The following WIPI2 variants were observed in gnomAD, a reference collection of about 807,000 sequenced individuals.
WIPI2 encodes the protein WD repeat domain phosphoinositide-interacting protein 2.
A neutral mutation model predicts 52.3 loss-of-function variants in WIPI2; 28 were observed. The observed-to-expected ratio is 0.54, with a 90% CI of 0.40 to 0.73. The LOEUF (loss-of-function observed/expected upper bound fraction) is 0.73, where lower values mean the gene tolerates loss of function less well. Ranked by LOEUF, WIPI2 falls within the 30% of genes least tolerant of loss-of-function variation. WIPI2 has a pLI of 0.00. For synonymous variants in WIPI2, 268 were observed against 245.0 expected (o/e 1.09, Z -0.88); for missense variants, 506 against 602.9 (o/e 0.84, Z 1.68).
At chr7:5,194,737 A>T (rs1781660375) in intron 2 of WIPI2, among the ~76,000 whole-genome samples, 1 of 152,170 alleles carries the variant, frequency 6.6e-6, no homozygotes, top group South Asian at 2.1e-4. Context: ...GGTAGCTCAG[A>T]TTGCAGACGC....
chr7:5,214,434 TGC>T (rs747652340), intron 3 of WIPI2, 99 bp from the exon 4 acceptor site: 21 of 1,612,242 alleles, frequency 1.3e-5, no homozygotes, highest in Non-Finnish European at 1.7e-5. Context: ...CGCTGTGCCC[TGC>T]GTGTCGCCCA....
At chr7:5,228,674 G>GT (rs1783567145) in intron 11 of WIPI2, among the ~76,000 whole-genome samples, 1 of 152,242 alleles carries the variant, frequency 6.6e-6, no homozygotes, top group Non-Finnish European at 1.5e-5. Flanking sequence ...TCATTGGGAA[G>GT]TAATGCATTT....
At chr7:5,217,572 C>G in intron 6 of WIPI2, 1 of 405,966 alleles carries the variant, frequency 2.5e-6, no homozygotes, top group African/African-American at 2.0e-5. Flanking sequence ...GCTGGGACTA[C>G]AGGCGGGTGC....
rs537157352 is a variant in WIPI2 at position 5,232,644 on chromosome 7, C to T, written c.*1697C>T. 1.7e-5 allele frequency: 4 copies of T among 242,424 alleles called. No individual in the cohort carries two copies. Among genetic ancestry groups the T allele is most frequent in the African/African-American group, 2.2e-5 (1 of 45,012 alleles). 15.0% of individuals were successfully genotyped at this position (242,424 alleles called of 1,614,324 possible). A position where few individuals can be genotyped will look rare whatever the true frequency, so the allele number is the denominator to read the frequency against. On this transcript the variant is annotated 3_prime_UTR_variant, in exon 13 of 13. Transcript: ENST00000288828. ...CGCGGCAGCACGCAGCCTTGACCCACGCCTGCGTCTTGTGGTGCAAGGCCA... is the reference window on the plus strand; with the variant it reads ...CGCGGCAGCACGCAGCCTTGACCCATGCCTGCGTCTTGTGGTGCAAGGCCA...
intron 11 of WIPI2, among the ~76,000 whole-genome samples, 153 bp downstream of exon 11, chr7:5,228,364 G>A (rs764313486): frequency 1.1e-4 from 16 of 152,256 alleles, no homozygotes; most frequent in Non-Finnish European, 1.5e-4. Context: ...CGGGAGCTTC[G>A]CTTTCCCAGG....
intron 8 of WIPI2, among the ~76,000 whole-genome samples, chr7:5,224,713 G>T (rs1783340813): frequency 6.6e-6 from 1 of 152,210 alleles, no homozygotes; most frequent in Non-Finnish European, 1.5e-5. Context: ...TCATTGATCT[G>T]TGTGGGGCCG....
chr7:5,217,774 G>A (rs1782894289), intron 6 of WIPI2, 148 bp from the exon 7 acceptor site: 1 of 739,002 alleles, frequency 1.4e-6, no homozygotes, highest in Non-Finnish European at 2.4e-6. Context: ...TGGATGCCCA[G>A]CCCCAGTAAA....
In WIPI2 at chr7:5,227,309, A is replaced by G; in HGVS notation, c.978A>G (p.Pro326=). 6.2e-7 allele frequency: 1 copy of G among 1,613,862 alleles called. No individual in the cohort carries two copies. ...QGRAFATVRL[P]FCGHKNICSL... Reference sequence around the variant, plus strand: ...GAGCCTTCGCCACGGTCCGCCTGCCATTCTGCGGCCACAAAAACATCTGCT... The same window carrying G: ...GAGCCTTCGCCACGGTCCGCCTGCCGTTCTGCGGCCACAAAAACATCTGCT... The change falls in exon 10 of 13, where the codon CCA becomes CCG. Residue 326 remains proline (P), a synonymous_variant. Transcript: ENST00000288828. The surrounding 1 kb of genome is among the most constrained non-coding windows in gnomAD (Gnocchi z 8.1).
At chr7:5,222,396 G>C (rs897659341) in intron 7 of WIPI2, among the ~76,000 whole-genome samples, 5 of 152,202 alleles carry the variant, frequency 3.3e-5, no homozygotes, top group African/African-American at 1.2e-4. Context: ...GTCAACAATA[G>C]AACAGGGGAG....
chr7:5,222,306 GC>G (rs1783181934), intron 7 of WIPI2, among the ~76,000 whole-genome samples: 1 of 152,212 alleles, frequency 6.6e-6, no homozygotes, highest in South Asian at 2.1e-4. Context: ...AGAATGATAT[GC>G]CACTTTTGCC....
Position 5,227,168 on chromosome 7 carries a change from C to G in WIPI2, c.849-12C>G. The G allele has an allele frequency of 6.2e-7, 1 of 1,613,638 alleles. No homozygotes were observed. Among genetic ancestry groups the G allele is most frequent in the Non-Finnish European group, 8.5e-7 (1 of 1,179,956 alleles). On this transcript the variant is annotated splice_polypyrimidine_tract_variant and intron_variant, in intron 9 of 12. Coordinates refer to ENST00000288828, the MANE Select transcript of WIPI2 (RefSeq NM_015610.4). This position sits in a 1 kb window ranked among gnomAD's most constrained non-coding sequence, Gnocchi z 8.1. ...GGTGCAGCTTCATGTGTCTGGTGGC[C>G]TTTCCTTCCAGACCCCCAGAGGAGC...
intron 8 of WIPI2, among the ~76,000 whole-genome samples, chr7:5,222,975 C>T (rs943206140): frequency 4.6e-5 from 7 of 152,190 alleles, no homozygotes; most frequent in Admixed American, 2.0e-4. Context: ...AGGGACGGGG[C>T]GGCGACGTCA....
chr7:5,203,238 T>A (rs1361721022), intron 3 of WIPI2, among the ~76,000 whole-genome samples: 2 of 152,182 alleles, frequency 1.3e-5, no homozygotes, highest in Non-Finnish European at 2.9e-5. Context: ...GAATATTAAT[T>A]TCAGTGAGAT....
At chr7:5,217,613 G>A in intron 6 of WIPI2, 3 of 432,378 alleles carry the variant, frequency 6.9e-6, no homozygotes, top group South Asian at 6.6e-5. Context: ...TCTCTTCTCA[G>A]TAGCAGAGTA....
At chr7:5,214,821 C>A in intron 4 of WIPI2, 117 bp downstream of exon 4, 9 of 1,186,760 alleles carry the variant, frequency 7.6e-6, no homozygotes, top group Non-Finnish European at 1.1e-5. Context: ...CCCCACGTTG[C>A]CGGGCACAGA....
chr7:5,190,541 C>G, intron 1 of WIPI2, 48 bp downstream of exon 1: 1 of 1,429,756 alleles, frequency 7.0e-7, no homozygotes, highest in Non-Finnish European at 9.2e-7. Context: ...CAGGGTCGGA[C>G]CCGGGCTAGG....
chr7:5,190,532 A>G, intron 1 of WIPI2, 39 bp downstream of exon 1: 1 of 1,441,558 alleles, frequency 6.9e-7, no homozygotes, highest in Non-Finnish European at 9.2e-7. Context: ...GGGTGAGGCC[A>G]GGGTCGGACC....
chr7:5,220,903 C>T (rs573469086), intron 7 of WIPI2, among the ~76,000 whole-genome samples: 155 of 151,928 alleles, frequency 1.0e-3, no homozygotes, highest in African/African-American at 3.3e-3. Context: ...AAGCGATTCT[C>T]GTGCCTCAGC....
intron 3 of WIPI2, among the ~76,000 whole-genome samples, chr7:5,213,575 C>T (rs1483448026): frequency 2.6e-5 from 4 of 152,242 alleles, no homozygotes; most frequent in African/African-American, 9.6e-5. Flanking sequence ...CCAGGAGCCA[C>T]AGGCCACAGC....
Sources: allele counts gnomAD v4.1 joint callset (sites outside exome capture counted in the v4.1 genomes callset), GRCh38; gene constraint gnomAD v4.1.1; non-coding constraint Gnocchi (gnomAD v3.1); transcripts MANE v1.5; gene names NCBI Gene and HGNC (gene_info 2026-07-23, HGNC 2026-07-21).